ASTN1: variants seen among roughly 807,000 people sequenced by gnomAD.
ASTN1 encodes the protein astrotactin 1, also known as astrotactin-1.
A neutral mutation model predicts 140.7 loss-of-function variants in ASTN1; 41 were observed. The observed-to-expected ratio is 0.29, with a 90% CI of 0.23 to 0.38. The LOEUF (loss-of-function observed/expected upper bound fraction) is 0.38. Among genes scored for constraint, ASTN1 ranks in the 10% least tolerant of loss-of-function variants. ASTN1 has a pLI of 1.00. For synonymous variants in ASTN1, 640 were observed against 652.2 expected, an observed-to-expected ratio of 0.98 and a Z score of 0.29; for missense variants, 1,479 against 1,678.8, an observed-to-expected ratio of 0.88 and a Z score of 2.08.
At chr1:176,985,928 C>G (rs966430428) in intron 8 of ASTN1, among the ~76,000 whole-genome samples, 5 of 147,930 alleles carry the variant, frequency 3.4e-5, no homozygotes, top group African/African-American at 1.3e-4. Flanking sequence ...AGGGTATTTT[C>G]TGAGGTGGCC....
chr1:177,044,204 T>TACAC (rs1677109068), intron 2 of ASTN1, among the ~76,000 whole-genome samples: 2 of 103,632 alleles, frequency 1.9e-5, no homozygotes. Flanking sequence ...CACACACACA[T>TACAC]ACACACACAC....
At chr1:176,904,928 G>A (rs192624804) in intron 16 of ASTN1, among the ~76,000 whole-genome samples, 1 of 152,238 alleles carries the variant, frequency 6.6e-6, no homozygotes, top group East Asian at 1.9e-4. Context: ...TCTACCCTGC[G>A]GCATTTATTT....
Position 176,868,998 on chromosome 1 carries a change from T to C in ASTN1, c.3493A>G (p.Asn1165Asp). The C allele has an allele frequency of 6.2e-7, 1 of 1,601,416 alleles. No homozygotes were observed. Residue 1165 changes from asparagine (N) to aspartate (D), a missense_variant, in exon 22 of 23, where the codon AAT becomes GAT. Asn to Asp is a conservative substitution (Grantham distance 23). This residue lies in a region of ASTN1 where 746 missense variants were observed against 800.9 expected (regional missense o/e 0.93). Coordinates refer to ENST00000361833, the MANE Select transcript of ASTN1 (RefSeq NM_004319.3). ...EIADKIYNLFNGYTSGKEQQT... is the reference protein window; with the variant it reads ...EIADKIYNLFDGYTSGKEQQT... ...TGCTCCTTCCCACTAGTGTAGCCAT[T>C]GAAGAGATTGTAGATCTTGTCTGCT...
At chr1:176,969,906 G>C (rs1262532105) in intron 8 of ASTN1, among the ~76,000 whole-genome samples, 1 of 152,164 alleles carries the variant, frequency 6.6e-6, no homozygotes, top group Non-Finnish European at 1.5e-5. Flanking sequence ...TTCCATTCAG[G>C]CACATCACAG....
chr1:177,050,170 T>C (rs1165172178), intron 2 of ASTN1, among the ~76,000 whole-genome samples: 1 of 152,198 alleles, frequency 6.6e-6, no homozygotes, highest in African/African-American at 2.4e-5. Flanking sequence ...TCCTTCCCAC[T>C]TCTTCCTCAG....
At chr1:177,063,256 C>T (rs1031278119) in intron 1 of ASTN1, among the ~76,000 whole-genome samples, 3 of 152,120 alleles carry the variant, frequency 2.0e-5, no homozygotes, top group African/African-American at 7.2e-5. Flanking sequence ...GGATAAGGTA[C>T]AATTAAGAGT....
chr1:177,024,505 G>A (rs1675999615), intron 6 of ASTN1, 78 bp downstream of exon 6: 1 of 1,535,522 alleles, frequency 6.5e-7, no homozygotes, highest in Non-Finnish European at 8.9e-7. Context: ...AGTGACTCCT[G>A]TCTTCTCTAG....
intron 1 of ASTN1, among the ~76,000 whole-genome samples, chr1:177,071,137 T>G (rs1678616400): frequency 6.6e-6 from 1 of 152,210 alleles, no homozygotes; most frequent in African/African-American, 2.4e-5. Flanking sequence ...CTGTAAGTAC[T>G]CATTAGCAAA....
chr1:177,024,477 G>A lies in ASTN1; in HGVS notation c.1270+106C>T, dbSNP rs180959938. The A allele has an allele frequency of 5.9e-5, 82 of 1,399,424 alleles. No individual in the cohort carries two copies. In the Admixed American group the frequency reaches 7.0e-4, roughly 12 times the overall value. 86.7% of individuals were successfully genotyped at this position (1,399,424 alleles called of 1,614,324 possible). On this transcript the variant is annotated intron_variant, in intron 6 of 22. Transcript: ENST00000361833. ...ACTTATTTCAGTTTGGTTTTCCCCC[G>A]GTAGAGTAATAGGTAACAGTGACTC...
intron 9 of ASTN1, among the ~76,000 whole-genome samples, chr1:176,960,652 G>A (rs1360532908): frequency 6.6e-6 from 1 of 152,166 alleles, no homozygotes; most frequent in African/African-American, 2.4e-5. Context: ...AGCCTCCAAA[G>A]AGGTCATCCC....
chr1:176,900,200 C>T (rs1164637572), intron 16 of ASTN1, among the ~76,000 whole-genome samples: 2 of 152,186 alleles, frequency 1.3e-5, no homozygotes, highest in African/African-American at 2.4e-5. Context: ...AAGCATTATT[C>T]TGATGACAGC....
intron 8 of ASTN1, among the ~76,000 whole-genome samples, chr1:176,974,011 A>T (rs1013600405): frequency 1.3e-5 from 2 of 152,244 alleles, no homozygotes; most frequent in Admixed American, 6.5e-5. Flanking sequence ...CCACAAAAAC[A>T]TGATATTGTT....
intron 1 of ASTN1, among the ~76,000 whole-genome samples, chr1:177,086,192 A>T (rs1189693530): frequency 4.8e-5 from 3 of 62,360 alleles, no homozygotes; most frequent in Non-Finnish European, 6.7e-5. Flanking sequence ...CCACCCCACC[A>T]CCCACCCCCA....
At chr1:177,144,415 G>C (rs989168956) in intron 1 of ASTN1, among the ~76,000 whole-genome samples, 1 of 148,482 alleles carries the variant, frequency 6.7e-6, no homozygotes, top group Non-Finnish European at 1.5e-5. Flanking sequence ...ACCGCGCCCG[G>C]CTAGTTTTTT....
intron 20 of ASTN1, 75 bp from the exon 21 acceptor site, chr1:176,876,712 G>C: frequency 6.9e-7 from 1 of 1,443,804 alleles, no homozygotes; most frequent in Non-Finnish European, 9.6e-7. Context: ...CCTAGCTCAT[G>C]GCCCAGCTCT....
chr1:176,964,991 C>G (rs1672813395), intron 9 of ASTN1, among the ~76,000 whole-genome samples, 172 bp downstream of exon 9: 1 of 152,150 alleles, frequency 6.6e-6, no homozygotes, highest in South Asian at 2.1e-4. Flanking sequence ...ACCTCCAAGT[C>G]CTCCATATTG....
chr1:177,111,270 C>A (rs1680811768), intron 1 of ASTN1, among the ~76,000 whole-genome samples: 1 of 152,138 alleles, frequency 6.6e-6, no homozygotes, highest in Non-Finnish European at 1.5e-5. Context: ...AGTAATGGAG[C>A]TAATTCTAGG....
At chr1:176,933,939 C>A (rs778828062) in intron 16 of ASTN1, among the ~76,000 whole-genome samples, 1 of 152,162 alleles carries the variant, frequency 6.6e-6, no homozygotes, top group Non-Finnish European at 1.5e-5. Flanking sequence ...ACAGTGTTGA[C>A]CCCATTCTGC....
intron 1 of ASTN1, among the ~76,000 whole-genome samples, chr1:177,120,962 T>C (rs1252275436): frequency 1.3e-5 from 2 of 152,126 alleles, no homozygotes; most frequent in Non-Finnish European, 2.9e-5. Flanking sequence ...GGTTTGGAAA[T>C]GGAAGATGCT....
Sources: allele counts gnomAD v4.1 joint callset (sites outside exome capture counted in the v4.1 genomes callset), GRCh38; gene constraint gnomAD v4.1.1; regional missense constraint gnomAD v4.1.1; transcripts MANE v1.5; gene names NCBI Gene and HGNC (gene_info 2026-07-23, HGNC 2026-07-21).